The following PACRG variants were observed in gnomAD, a reference collection of about 807,000 sequenced individuals.
PACRG encodes parkin coregulated.
In PACRG, 29 loss-of-function variants were observed where a neutral mutation model predicts 29.7. The ratio of observed to expected loss-of-function variants is 0.98; its 90% CI spans 0.73 to 1.33. The LOEUF (loss-of-function observed/expected upper bound fraction) is 1.33. PACRG is among the 40% of genes most tolerant of loss of function. The probability of loss-of-function intolerance (pLI) is 0.00; values close to 1 mark genes in which losing one functional copy is unlikely to be tolerated. For synonymous variants in PACRG, 116 were observed against 118.7 expected (o/e 0.98, Z 0.15); for missense variants, 279 against 316.2 (o/e 0.88, Z 0.89).
chr6:162,728,149 T>C lies in PACRG; in HGVS notation c.-87T>C. The C allele has an allele frequency of 6.8e-7, 1 of 1,476,296 alleles. No homozygotes were observed. The highest frequency in any genetic ancestry group is 9.2e-7 in the Non-Finnish European group (1 of 1,092,150). 91.4% of individuals were successfully genotyped at this position (1,476,296 alleles called of 1,614,324 possible). A position where few individuals can be genotyped will look rare whatever the true frequency, so the allele number is the denominator to read the frequency against. On this transcript the variant is annotated 5_prime_UTR_variant, in exon 1 of 5. Transcript: ENST00000366888. ...TCTACCATTATCGCGCCTTTTGATATTTTTTTCCAGACCTCCTGCTCACAT... is the reference window on the plus strand; with the variant it reads ...TCTACCATTATCGCGCCTTTTGATACTTTTTTCCAGACCTCCTGCTCACAT...
chr6:163,296,818 A>G (rs1406084117), intron 4 of PACRG, among the ~76,000 whole-genome samples: 1 of 152,216 alleles, frequency 6.6e-6, no homozygotes, highest in Non-Finnish European at 1.5e-5. Flanking sequence ...GAGAAAAACC[A>G]CTTTAAATGC....
intron 3 of PACRG, among the ~76,000 whole-genome samples, chr6:163,086,147 C>CAT (rs1237275364): frequency 1.3e-5 from 2 of 151,348 alleles, no homozygotes; most frequent in African/African-American, 4.9e-5. Flanking sequence ...ATCCTTAGAA[C>CAT]ATTTCTGGCC....
At chr6:163,026,607 A>C (rs1042493293) in intron 2 of PACRG, among the ~76,000 whole-genome samples, 2 of 152,146 alleles carry the variant, frequency 1.3e-5, no homozygotes, top group African/African-American at 4.8e-5. Flanking sequence ...CGCTAAGGTC[A>C]CCTCCCAGGT....
chr6:162,793,288 A>G (rs1368511822), intron 1 of PACRG, among the ~76,000 whole-genome samples: 3 of 152,242 alleles, frequency 2.0e-5, no homozygotes, highest in African/African-American at 7.2e-5. Context: ...GAAAGACAAT[A>G]ATCATGGATA....
At chr6:163,293,583 A>G (rs190215145) in intron 4 of PACRG, among the ~76,000 whole-genome samples, 30 of 152,334 alleles carry the variant, frequency 2.0e-4, no homozygotes, top group South Asian at 6.2e-4. Context: ...CTACCTACCC[A>G]TAGTTCATGA....
intron 3 of PACRG, among the ~76,000 whole-genome samples, chr6:163,086,508 GC>G (rs1216356631): frequency 6.6e-6 from 1 of 152,130 alleles, no homozygotes; most frequent in Non-Finnish European, 1.5e-5. Context: ...TGAAGGCTGA[GC>G]CGTCTCTTTT....
intron 2 of PACRG, among the ~76,000 whole-genome samples, chr6:162,845,372 G>C (rs1020798522): frequency 2.0e-5 from 3 of 150,696 alleles, no homozygotes; most frequent in African/African-American, 4.9e-5. Context: ...GTGGCAACAA[G>C]TATCATCAAT....
intron 4 of PACRG, among the ~76,000 whole-genome samples, chr6:163,110,364 T>C (rs537924296): frequency 9.5e-4 from 144 of 152,332 alleles, no homozygotes; most frequent in Middle Eastern, 3.4e-3. Context: ...GCAGCAAATA[T>C]AGAATAGTGC....
At chr6:162,944,287 C>T (rs995826288) in intron 2 of PACRG, among the ~76,000 whole-genome samples, 2 of 152,130 alleles carry the variant, frequency 1.3e-5, no homozygotes, top group Non-Finnish European at 2.9e-5. Context: ...AAGTGCACTA[C>T]CAAACCAACA....
At chr6:163,178,430 G>A (rs535829432) in intron 4 of PACRG, among the ~76,000 whole-genome samples, 19 of 152,262 alleles carry the variant, frequency 1.2e-4, no homozygotes, top group African/African-American at 4.6e-4. Context: ...GAACTCAAAC[G>A]AGAAGGCCCG....
At position 163,246,400 on chromosome 6, in the gene PACRG, C is replaced by T. The variant is rs139364517; in HGVS notation, c.614-68427C>T. Among the ~76,000 whole-genome samples the T allele has an allele frequency of 4.7e-3, 709 of 152,264 alleles. 7 individuals are homozygous for T. Among genetic ancestry groups the T allele is most frequent in the African/African-American group, 0.017 (687 of 41,560 alleles). ...TCCTTTCTCCTTTTTGTTTGGATTG[C>T]TGCTCAAATTGTGCCTCCACATGGA... On this transcript the variant is annotated intron_variant, in intron 4 of 4. Coordinates refer to ENST00000366888, the MANE Select transcript of PACRG (RefSeq NM_001080379.2).
At chr6:162,925,396 G>A (rs537043028) in intron 2 of PACRG, among the ~76,000 whole-genome samples, 6 of 152,060 alleles carry the variant, frequency 3.9e-5, no homozygotes, top group South Asian at 2.1e-4. Context: ...CCTGATGAAC[G>A]TTACTACAAA....
At chr6:163,098,003 T>C (rs983003982) in intron 4 of PACRG, among the ~76,000 whole-genome samples, 5 of 152,210 alleles carry the variant, frequency 3.3e-5, no homozygotes, top group Admixed American at 3.3e-4. Flanking sequence ...CAAAGAAAGA[T>C]ATTTGGGGTG....
intron 4 of PACRG, among the ~76,000 whole-genome samples, chr6:163,113,526 A>G (rs908257526): frequency 1.3e-5 from 2 of 152,186 alleles, no homozygotes; most frequent in East Asian, 1.9e-4. Flanking sequence ...TATACAGAAT[A>G]CTCCAAAGAT....
intron 4 of PACRG, among the ~76,000 whole-genome samples, chr6:163,218,969 C>G (rs1781471641): frequency 6.6e-6 from 1 of 152,224 alleles, no homozygotes; most frequent in Non-Finnish European, 1.5e-5. Context: ...ACAGGACAGC[C>G]CCCACTGCGC....
chr6:162,863,655 G>A (rs557499238), intron 2 of PACRG, among the ~76,000 whole-genome samples: 41 of 152,306 alleles, frequency 2.7e-4, no homozygotes, highest in Non-Finnish European at 5.6e-4. Flanking sequence ...CTGCGGCACA[G>A]CAGGCTACTT....
At chr6:163,143,253 T>G (rs1014425689) in intron 4 of PACRG, among the ~76,000 whole-genome samples, 2 of 152,002 alleles carry the variant, frequency 1.3e-5, no homozygotes, top group Admixed American at 6.6e-5. Flanking sequence ...CATAAAAAAA[T>G]AAAAATAAAA....
chr6:163,201,129 C>A (rs761891062), intron 4 of PACRG, among the ~76,000 whole-genome samples: 8 of 148,090 alleles, frequency 5.4e-5, no homozygotes, highest in Non-Finnish European at 1.0e-4. Context: ...GGAAAGCTAA[C>A]GAGACGGAAA....
intron 2 of PACRG, among the ~76,000 whole-genome samples, chr6:162,915,099 A>G (rs1026802682): frequency 2.0e-5 from 3 of 151,990 alleles, no homozygotes; most frequent in Admixed American, 2.0e-4. Flanking sequence ...CCTCCATCTC[A>G]AGGGAAAGTA....
Sources: allele counts gnomAD v4.1 joint callset (sites outside exome capture counted in the v4.1 genomes callset), GRCh38; gene constraint gnomAD v4.1.1; transcripts MANE v1.5; gene names NCBI Gene and HGNC (gene_info 2026-07-23, HGNC 2026-07-21).